PCNX1: variants seen among roughly 807,000 people sequenced by gnomAD.
The protein encoded by PCNX1 is pecanex 1.
PCNX1 carries 78 observed loss-of-function variants against 242.2 expected under a neutral mutation model. The observed-to-expected ratio is 0.32, with a 90% CI of 0.27 to 0.39. The LOEUF (loss-of-function observed/expected upper bound fraction) is 0.39. Ranked by LOEUF, PCNX1 falls within the 10% of genes least tolerant of loss-of-function variation. The pLI, the probability that PCNX1 is intolerant of heterozygous loss-of-function variation, is 1.00. For missense variants in PCNX1, 2,581 were observed against 2,856.5 expected (o/e 0.90, Z 2.20); for synonymous variants, 1,024 against 1,032.9 (o/e 0.99, Z 0.17).
intron 1 of PCNX1, among the ~76,000 whole-genome samples, chr14:70,946,309 C>T (rs2057454212): frequency 6.6e-6 from 1 of 152,178 alleles, no homozygotes; most frequent in Non-Finnish European, 1.5e-5. Flanking sequence ...GTTTTAACTT[C>T]CAATTTTCTG....
chr14:70,995,289 G>T (rs2059314831), intron 7 of PCNX1, among the ~76,000 whole-genome samples: 1 of 152,148 alleles, frequency 6.6e-6, no homozygotes, highest in African/African-American at 2.4e-5. Flanking sequence ...TTGTTTTATT[G>T]TGAGTTTGAG....
In PCNX1 at chr14:71,110,829, C is replaced by T. The variant is rs2062740578; in HGVS notation, c.*894C>T. On this transcript the variant is annotated 3_prime_UTR_variant, in exon 36 of 36. Coordinates refer to ENST00000304743, the MANE Select transcript of PCNX1 (RefSeq NM_014982.3). ...AGAGGAGCCCATGTGCTCTGCTTCT[C>T]TCCACCAGAGCAAGCTCTGCTGGGC... 6.5e-6 allele frequency: 1 copy of T among 152,678 alleles called. No individual in the cohort carries two copies. Among genetic ancestry groups the T allele is most frequent in the Admixed American group, 6.5e-5 (1 of 15,290 alleles). 9.5% of individuals were successfully genotyped at this position (152,678 alleles called of 1,614,324 possible).
intron 7 of PCNX1, among the ~76,000 whole-genome samples, chr14:70,990,456 CAG>C (rs1156278836): frequency 1.3e-5 from 2 of 151,448 alleles, no homozygotes; most frequent in Admixed American, 6.6e-5. Flanking sequence ...CCCAGCTACT[CAG>C]GGTGGCTGAG....
At chr14:70,919,306 C>G (rs1053501782) in intron 1 of PCNX1, among the ~76,000 whole-genome samples, 3 of 152,162 alleles carry the variant, frequency 2.0e-5, no homozygotes, top group African/African-American at 7.2e-5. Flanking sequence ...ATTAAGGATG[C>G]ATACTGCACT....
chr14:70,941,359 C>T (rs950880731), intron 1 of PCNX1, among the ~76,000 whole-genome samples: 5 of 152,224 alleles, frequency 3.3e-5, no homozygotes, highest in African/African-American at 9.7e-5. Context: ...AGTCAGGACT[C>T]TCAGCTGCAG....
intron 30 of PCNX1, among the ~76,000 whole-genome samples, chr14:71,099,464 GATTTTTTAATTT>G (rs1566803401): frequency 1.3e-5 from 2 of 151,550 alleles, no homozygotes; most frequent in Non-Finnish European, 2.9e-5. Flanking sequence ...GGCCTATTTT[GATTTTTTAATTT>G]ATTGAAACTT....
At chr14:70,934,171 G>T (rs777422977) in intron 1 of PCNX1, among the ~76,000 whole-genome samples, 48 of 152,152 alleles carry the variant, frequency 3.2e-4, no homozygotes, top group Non-Finnish European at 6.2e-4. Context: ...GATGCCAAGC[G>T]GCGTTTTCAA....
intron 28 of PCNX1, among the ~76,000 whole-genome samples, chr14:71,086,940 G>T (rs980945939): frequency 5.3e-5 from 8 of 152,080 alleles, no homozygotes; most frequent in Admixed American, 5.2e-4. Context: ...TTCAGCTAGG[G>T]GGGTAAATAT....
At chr14:71,098,552 GT>G in intron 30 of PCNX1, among the ~76,000 whole-genome samples, 1 of 134,508 alleles carries the variant, frequency 7.4e-6, no homozygotes, top group East Asian at 2.2e-4. Context: ...GTGTGTGTGT[GT>G]GAGAGAGAGA....
At chr14:70,996,571 A>G (rs1162688838) in intron 8 of PCNX1, among the ~76,000 whole-genome samples, 1 of 152,138 alleles carries the variant, frequency 6.6e-6, no homozygotes, top group Non-Finnish European at 1.5e-5. Context: ...ACCTACTCAG[A>G]TATCTGTCTT....
At chr14:70,921,580 A>C (rs2056376912) in intron 1 of PCNX1, among the ~76,000 whole-genome samples, 1 of 152,180 alleles carries the variant, frequency 6.6e-6, no homozygotes. Flanking sequence ...TTACTCCCTT[A>C]ATGTCACAGT....
chr14:70,987,327 G>A (rs1411577806), intron 6 of PCNX1, among the ~76,000 whole-genome samples: 1 of 152,172 alleles, frequency 6.6e-6, no homozygotes, highest in Non-Finnish European at 1.5e-5. Context: ...AGCACTTGAA[G>A]TATGATTCAT....
intron 20 of PCNX1, among the ~76,000 whole-genome samples, chr14:71,046,715 G>A (rs906211480): frequency 2.6e-5 from 4 of 152,046 alleles, no homozygotes; most frequent in Non-Finnish European, 5.9e-5. Flanking sequence ...AATGAGAAAA[G>A]TTATGGTTAA....
chr14:70,916,673 G>A lies in PCNX1; in HGVS notation c.153+8670G>A, dbSNP rs578230074. 3.9e-5 allele frequency among the ~76,000 whole-genome samples: 6 copies of A among 152,186 alleles called. No homozygotes were observed. The South Asian group carries it at 6.2e-4, about 16-fold the overall frequency. ...TATGCCAAGGATTATCTGAACCTTCGGCGAGTTGTCATTTTTTTGCTGGTG... is the reference window on the plus strand; with the variant it reads ...TATGCCAAGGATTATCTGAACCTTCAGCGAGTTGTCATTTTTTTGCTGGTG... On this transcript the variant is annotated intron_variant, in intron 1 of 35. Transcript: ENST00000304743.
intron 12 of PCNX1, among the ~76,000 whole-genome samples, chr14:71,021,081 T>C (rs542518678): frequency 1.3e-5 from 2 of 152,182 alleles, no homozygotes; most frequent in African/African-American, 4.8e-5. Context: ...AGATGTGTGG[T>C]GTTATTTCTG....
chr14:71,105,015 CATATGAAAGATTTGAGGCAGTGA>C (rs1163162569), intron 32 of PCNX1, among the ~76,000 whole-genome samples, 197 bp from the exon 33 acceptor site: 1 of 152,108 alleles, frequency 6.6e-6, no homozygotes, highest in East Asian at 1.9e-4. Context: ...GATAATAGAG[CATATGAAAGATTTGAGGCAGTGA>C]ATATGACGGG....
chr14:70,943,830 C>T (rs1315980423), intron 1 of PCNX1, among the ~76,000 whole-genome samples: 1 of 152,216 alleles, frequency 6.6e-6, no homozygotes, highest in Non-Finnish European at 1.5e-5. Flanking sequence ...ACTTGGTACC[C>T]TGCATCCCAC....
intron 12 of PCNX1, among the ~76,000 whole-genome samples, chr14:71,021,631 G>C (rs964823713): frequency 9.2e-5 from 14 of 152,082 alleles, no homozygotes; most frequent in African/African-American, 3.4e-4. Context: ...TTGCAGTACT[G>C]AAATTATAGT....
At chr14:70,966,943 CTT>C (rs755521755) in intron 3 of PCNX1, among the ~76,000 whole-genome samples, 14 of 151,962 alleles carry the variant, frequency 9.2e-5, no homozygotes, top group Non-Finnish European at 1.8e-4. Context: ...ATTGCAATGT[CTT>C]TTATGGCTAA....
Sources: gnomAD v4.1 joint callset for allele counts (sites outside exome capture counted in the v4.1 genomes callset) on GRCh38, gnomAD v4.1.1 for gene constraint, MANE v1.5 for transcripts, NCBI Gene and HGNC (gene_info 2026-07-23, HGNC 2026-07-21) for gene names.